Variants in CAMK1D observed in about 807,000 individuals in gnomAD.
CAMK1D encodes calcium/calmodulin dependent protein kinase ID.
In CAMK1D, 9 loss-of-function variants were observed where a neutral mutation model predicts 47.7. That is an observed-to-expected ratio of 0.19 (90% CI 0.11 to 0.33). The LOEUF (loss-of-function observed/expected upper bound fraction) is 0.33, where lower values mean the gene tolerates loss of function less well. CAMK1D is among the 10% of genes least tolerant of loss of function. CAMK1D has a pLI of 1.00. For synonymous variants in CAMK1D, 184 were observed against 184.9 expected (o/e 0.99, Z 0.04); for missense variants, 291 against 488.7 (o/e 0.60, Z 3.81).
At chr10:12,694,125 A>T (rs1291334583) in intron 3 of CAMK1D, among the ~76,000 whole-genome samples, 1 of 26,158 alleles carries the variant, frequency 3.8e-5, no homozygotes, top group Non-Finnish European at 6.6e-5. Context: ...ATTATGCATA[A>T]TATATATTAT....
At chr10:12,758,265 C>A (rs1423906109) in intron 3 of CAMK1D, among the ~76,000 whole-genome samples, 10 of 152,188 alleles carry the variant, frequency 6.6e-5, no homozygotes, top group Admixed American at 6.5e-4. Context: ...CGTAAACATT[C>A]AGTCCATAAC....
At chr10:12,365,143 A>G (rs1439626347) in intron 1 of CAMK1D, among the ~76,000 whole-genome samples, 1 of 151,836 alleles carries the variant, frequency 6.6e-6, no homozygotes, top group African/African-American at 2.4e-5. Context: ...TTCAATAGAG[A>G]CAGGGTTTCA....
intron 3 of CAMK1D, among the ~76,000 whole-genome samples, chr10:12,685,189 T>C (rs2132622022): frequency 6.6e-6 from 1 of 152,282 alleles, no homozygotes; most frequent in South Asian, 2.1e-4. Context: ...TAGTCCCAGC[T>C]ACTCGGGAGG....
At chr10:12,770,646 G>A (rs1836995597) in intron 5 of CAMK1D, among the ~76,000 whole-genome samples, 2 of 152,136 alleles carry the variant, frequency 1.3e-5, no homozygotes, top group Admixed American at 6.5e-5. Context: ...CAGATCTTGA[G>A]TACTATGAAG....
At chr10:12,723,380 A>G (rs906630219) in intron 3 of CAMK1D, among the ~76,000 whole-genome samples, 1 of 152,190 alleles carries the variant, frequency 6.6e-6, no homozygotes, top group African/African-American at 2.4e-5. Context: ...CAGATGGTAA[A>G]TGACAGAACC....
At chr10:12,549,133 G>A (rs1396090337) in intron 1 of CAMK1D, among the ~76,000 whole-genome samples, 2 of 152,188 alleles carry the variant, frequency 1.3e-5, no homozygotes, top group African/African-American at 2.4e-5. Flanking sequence ...TGGGATTACA[G>A]GCATGAGCCA....
At chr10:12,620,287 T>C (rs1444774430) in intron 2 of CAMK1D, among the ~76,000 whole-genome samples, 1 of 151,204 alleles carries the variant, frequency 6.6e-6, no homozygotes, top group Non-Finnish European at 1.5e-5. Context: ...CTGGGATAAA[T>C]GCCAGGAGTT....
chr10:12,576,223 C>A (rs2132326931), intron 2 of CAMK1D, among the ~76,000 whole-genome samples: 1 of 152,178 alleles, frequency 6.6e-6, no homozygotes, highest in East Asian at 1.9e-4. Context: ...GCAGTGGTAT[C>A]TCTGTTATAA....
intron 8 of CAMK1D, among the ~76,000 whole-genome samples, chr10:12,817,048 G>C (rs1245040666): frequency 6.6e-6 from 1 of 152,166 alleles, no homozygotes; most frequent in Non-Finnish European, 1.5e-5. Context: ...GAGAGAGCTT[G>C]TGCAGGGGAA....
At chr10:12,776,683 C>G (rs936663999) in intron 5 of CAMK1D, among the ~76,000 whole-genome samples, 2 of 151,866 alleles carry the variant, frequency 1.3e-5, no homozygotes, top group Non-Finnish European at 2.9e-5. Context: ...GTAACTCCTG[C>G]CTGAAGGAAG....
At chr10:12,749,461 A>G (rs546236987) in intron 3 of CAMK1D, among the ~76,000 whole-genome samples, 137 of 150,610 alleles carry the variant, frequency 9.1e-4, no homozygotes, top group South Asian at 7.3e-3. Context: ...AAAAAAAAAA[A>G]AAAGAAATCC....
intron 1 of CAMK1D, among the ~76,000 whole-genome samples, chr10:12,351,653 G>A (rs1167960564): frequency 6.6e-6 from 1 of 152,198 alleles, no homozygotes; most frequent in Admixed American, 6.5e-5. Context: ...GCAGTGGCGG[G>A]GCTGCTGAGG....
intron 2 of CAMK1D, among the ~76,000 whole-genome samples, chr10:12,626,654 TAGTA>T (rs1273417233): frequency 6.6e-6 from 1 of 152,176 alleles, no homozygotes; most frequent in East Asian, 1.9e-4. Flanking sequence ...TTTGTATTTT[TAGTA>T]GAGACAGGGT....
chr10:12,536,923 A>G (rs1036917797), intron 1 of CAMK1D, among the ~76,000 whole-genome samples: 3 of 152,196 alleles, frequency 2.0e-5, no homozygotes, highest in South Asian at 4.1e-4. Flanking sequence ...GGATATTTAC[A>G]TATGGGATAT....
chr10:12,749,546 TGTTTTTTG>T (rs1204928223), intron 3 of CAMK1D, among the ~76,000 whole-genome samples: 28 of 118,446 alleles, frequency 2.4e-4, no homozygotes, highest in Non-Finnish European at 4.2e-4. Flanking sequence ...TTTGTTTGTT[TGTTTTTTG>T]TTTGTTTGTT....
chr10:12,673,980 C>G (rs1016192024), intron 3 of CAMK1D, among the ~76,000 whole-genome samples: 1 of 152,140 alleles, frequency 6.6e-6, no homozygotes, highest in Non-Finnish European at 1.5e-5. Flanking sequence ...GGCTCTCTCT[C>G]TGTCACCCAG....
intron 3 of CAMK1D, among the ~76,000 whole-genome samples, chr10:12,751,084 A>G (rs886359815): frequency 1.2e-5 from 1 of 83,546 alleles, no homozygotes; most frequent in Non-Finnish European, 2.4e-5. Context: ...AAGATAAGAT[A>G]AGATAAGATA....
chr10:12,377,574 G>A (rs548966682), intron 1 of CAMK1D, among the ~76,000 whole-genome samples: 1 of 152,254 alleles, frequency 6.6e-6, no homozygotes, highest in South Asian at 2.1e-4. Flanking sequence ...TATTACAAAC[G>A]TTATTCAGGA....
rs1440879216 is a variant in CAMK1D at position 12,349,778 on chromosome 10, A to C, written c.-41A>C. ...GCCGCGCCCCCGGCGCCCCCTCCCC[A>C]GCGCGCCCCCGGCCGCTCCTCCGCG... On this transcript the variant is annotated 5_prime_UTR_variant, in exon 1 of 11. Transcript: ENST00000619168. The C allele has an allele frequency of 9.1e-7, 1 of 1,093,704 alleles. No homozygotes were observed. The highest frequency in any genetic ancestry group is 1.2e-6 in the Non-Finnish European group (1 of 849,304). The allele number at this position is 1,093,704 out of a possible 1,614,324, so 67.7% of individuals were successfully genotyped here.
Sources: allele counts gnomAD v4.1 joint callset (sites outside exome capture counted in the v4.1 genomes callset), GRCh38; gene constraint gnomAD v4.1.1; transcripts MANE v1.5; gene names NCBI Gene and HGNC (gene_info 2026-07-23, HGNC 2026-07-21).